TMEM108: variants seen among roughly 807,000 people sequenced by gnomAD.
The protein encoded by TMEM108 is transmembrane protein 108.
Under a neutral mutation model 35.1 loss-of-function variants are expected in TMEM108, and 12 were observed. The observed-to-expected ratio is 0.34, with a 90% CI of 0.22 to 0.55. The LOEUF (loss-of-function observed/expected upper bound fraction) is 0.55, where lower values mean the gene tolerates loss of function less well. TMEM108 is among the 20% of genes least tolerant of loss of function. The pLI, the probability that TMEM108 is intolerant of heterozygous loss-of-function variation, is 0.89. For synonymous variants in TMEM108, 287 were observed against 308.6 expected, an observed-to-expected ratio of 0.93 and a Z score of 0.73; for missense variants, 680 against 753.3, an observed-to-expected ratio of 0.90 and a Z score of 1.14.
chr3:133,217,162 A>ATC lies in TMEM108; in HGVS notation c.-46-12098_-46-12097dup, dbSNP rs200507649. Among the ~76,000 whole-genome samples the ATC allele has an allele frequency of 1.6e-4, 25 of 152,120 alleles. No homozygotes were observed. In the East Asian group the frequency reaches 4.1e-3, roughly 25 times the overall value. On this transcript the variant is annotated intron_variant, in intron 2 of 5. Transcript: ENST00000321871. ...ATGTCTCATTGTGGTTTTGATTTGT[A>ATC]TCTCTCTGTTGTTAGTGTACAGTGA... is the stretch of plus-strand genomic sequence containing the variant.
chr3:133,273,920 G>C (rs1946804934), intron 3 of TMEM108, among the ~76,000 whole-genome samples: 1 of 152,040 alleles, frequency 6.6e-6, no homozygotes, highest in Non-Finnish European at 1.5e-5. Context: ...ATTCTTCAAG[G>C]GTTTTACATC....
chr3:133,050,707 A>ATT (rs57515933), intron 2 of TMEM108, among the ~76,000 whole-genome samples: 45 of 146,178 alleles, frequency 3.1e-4, no homozygotes, highest in African/African-American at 7.7e-4. Context: ...GAAACCACTG[A>ATT]TTTTTTTTTT....
chr3:133,363,527 A>C (rs1418158950), intron 3 of TMEM108, among the ~76,000 whole-genome samples: 1 of 151,658 alleles, frequency 6.6e-6, no homozygotes, highest in Non-Finnish European at 1.5e-5. Context: ...CACCTCAGCC[A>C]CCTGAGTAAC....
chr3:133,367,727 G>A (rs968262819), intron 3 of TMEM108, among the ~76,000 whole-genome samples: 1 of 152,212 alleles, frequency 6.6e-6, no homozygotes, highest in Non-Finnish European at 1.5e-5. Context: ...GCCAGAGGGA[G>A]CAGACCCCCT....
At chr3:133,101,587 T>C (rs1944088173) in intron 2 of TMEM108, among the ~76,000 whole-genome samples, 3 of 152,224 alleles carry the variant, frequency 2.0e-5, no homozygotes, top group Admixed American at 1.3e-4. Flanking sequence ...TGTTAAAATA[T>C]AGTAGAAGCC....
At chr3:133,082,526 G>A (rs1943825748) in intron 2 of TMEM108, among the ~76,000 whole-genome samples, 1 of 152,140 alleles carries the variant, frequency 6.6e-6, no homozygotes, top group Non-Finnish European at 1.5e-5. Flanking sequence ...GGACGCTTCT[G>A]GTTGACTCCT....
rs1198165901 is a variant in TMEM108 at position 133,303,824 on chromosome 3, A to G, written c.40+74473A>G. Among the ~76,000 whole-genome samples the G allele has an allele frequency of 2.0e-5, 3 of 152,346 alleles. No homozygotes were observed. The East Asian group carries it at 5.8e-4, about 29-fold the overall frequency. On this transcript the variant is annotated intron_variant, in intron 3 of 5. Coordinates refer to ENST00000321871, the MANE Select transcript of TMEM108 (RefSeq NM_023943.4). ...ATCTATTGGAAAGACAAATGATTCT[A>G]TAGTAATGTGGTTGCTGTTTCCTTC...
At chr3:133,207,073 T>C (rs1322496048) in intron 2 of TMEM108, among the ~76,000 whole-genome samples, 1 of 152,184 alleles carries the variant, frequency 6.6e-6, no homozygotes, top group Non-Finnish European at 1.5e-5. Flanking sequence ...TCTGCCCAGT[T>C]TGAACTTCCC....
At chr3:133,177,415 C>T (rs1456654631) in intron 2 of TMEM108, among the ~76,000 whole-genome samples, 3 of 152,182 alleles carry the variant, frequency 2.0e-5, no homozygotes, top group Admixed American at 1.3e-4. Flanking sequence ...AAAAAATCCT[C>T]AATAAAATAC....
chr3:133,150,587 T>G (rs1314780778), intron 2 of TMEM108, among the ~76,000 whole-genome samples: 1 of 151,496 alleles, frequency 6.6e-6, no homozygotes, highest in Non-Finnish European at 1.5e-5. Flanking sequence ...GTAGTTAAAC[T>G]TTTTTTAACC....
chr3:133,343,255 T>C (rs2071717461), intron 3 of TMEM108, among the ~76,000 whole-genome samples: 1 of 151,760 alleles, frequency 6.6e-6, no homozygotes, highest in Non-Finnish European at 1.5e-5. Context: ...GAACTCTAAT[T>C]AATTGAGGAT....
In TMEM108 at chr3:133,173,196, A is replaced by G. The variant is rs183359710; in HGVS notation, c.-46-56070A>G. Among the ~76,000 whole-genome samples, 407 of 152,370 alleles carry G rather than the reference A, an allele frequency of 2.7e-3. 3 individuals carry two copies. Among genetic ancestry groups the G allele is most frequent in the African/African-American group, 9.3e-3 (386 of 41,592 alleles). ...GAGAAACTTAGCTTTGGTTTGCCTCAGAAAAATAACGTTGCACTGTATAAG... is the reference window on the plus strand; with the variant it reads ...GAGAAACTTAGCTTTGGTTTGCCTCGGAAAAATAACGTTGCACTGTATAAG... On this transcript the variant is annotated intron_variant, in intron 2 of 5. Transcript: ENST00000321871.
chr3:133,386,504 CTCT>C (rs1298898641), intron 4 of TMEM108: 1 of 1,535,356 alleles, frequency 6.5e-7, no homozygotes, highest in South Asian at 1.2e-5. Flanking sequence ...GGAGTGACCC[CTCT>C]TCTTCCTGTC....
intron 2 of TMEM108, among the ~76,000 whole-genome samples, chr3:133,156,283 C>A (rs1944880701): frequency 6.6e-6 from 1 of 152,064 alleles, no homozygotes; most frequent in Non-Finnish European, 1.5e-5. Flanking sequence ...AGCTGAGATA[C>A]TGTGGCGAAT....
chr3:133,227,332 T>C (rs1384529977), intron 2 of TMEM108, among the ~76,000 whole-genome samples: 1 of 150,716 alleles, frequency 6.6e-6, no homozygotes, highest in Non-Finnish European at 1.5e-5. Context: ...TAGCTGGGAC[T>C]ACAGGCGCCC....
At chr3:133,293,110 C>T (rs1377078853) in intron 3 of TMEM108, among the ~76,000 whole-genome samples, 1 of 152,026 alleles carries the variant, frequency 6.6e-6, no homozygotes, top group Non-Finnish European at 1.5e-5. Flanking sequence ...TTCTGAGACA[C>T]AAAGAGGAAT....
chr3:133,209,976 G>A (rs1945813075), intron 2 of TMEM108, among the ~76,000 whole-genome samples: 1 of 152,132 alleles, frequency 6.6e-6, no homozygotes, highest in South Asian at 2.1e-4. Context: ...CAGAGTTAGA[G>A]ATTGGGTGAA....
chr3:133,074,820 A>G (rs1256375946), intron 2 of TMEM108, among the ~76,000 whole-genome samples: 2 of 152,220 alleles, frequency 1.3e-5, no homozygotes. Flanking sequence ...AGTTTTTATA[A>G]ATAATTTTGA....
chr3:133,077,944 G>C (rs1259743820), intron 2 of TMEM108, among the ~76,000 whole-genome samples: 5 of 152,148 alleles, frequency 3.3e-5, no homozygotes, highest in Admixed American at 1.3e-4. Flanking sequence ...GGGGCATTCA[G>C]AGTGATCACC....
Sources: gnomAD v4.1 joint callset for allele counts (sites outside exome capture counted in the v4.1 genomes callset) on GRCh38, gnomAD v4.1.1 for gene constraint, MANE v1.5 for transcripts, NCBI Gene and HGNC (gene_info 2026-07-23, HGNC 2026-07-21) for gene names.